CAMK2D: variants seen among roughly 807,000 people sequenced by gnomAD.
The protein encoded by CAMK2D is calcium/calmodulin dependent protein kinase II delta, also known as calcium/calmodulin-dependent protein kinase type II subunit delta.
In CAMK2D, 37 loss-of-function variants were observed where a neutral mutation model predicts 84.0. The ratio of observed to expected loss-of-function variants is 0.44; its 90% CI spans 0.34 to 0.58. CAMK2D has a LOEUF of 0.58. Among genes scored for constraint, CAMK2D ranks in the 20% least tolerant of loss-of-function variants. The pLI is 0.02. For missense variants in CAMK2D, 448 were observed against 652.5 expected (o/e 0.69, Z 3.41); for synonymous variants, 202 against 212.5 (o/e 0.95, Z 0.43).
chr4:113,648,843 G>A (rs865877523), intron 3 of CAMK2D, among the ~76,000 whole-genome samples: 4 of 152,030 alleles, frequency 2.6e-5, no homozygotes, highest in African/African-American at 9.7e-5. Context: ...AAAGATCAGG[G>A]GTTTGGGTAG....
intron 13 of CAMK2D, 146 bp downstream of exon 13, chr4:113,509,492 T>C (rs1590395003): frequency 6.5e-6 from 4 of 613,048 alleles, no homozygotes; most frequent in African/African-American, 3.7e-5. Flanking sequence ...TCTTTGTATA[T>C]TAAATCATTT....
At chr4:113,693,609 T>A (rs1407084129) in intron 2 of CAMK2D, among the ~76,000 whole-genome samples, 2 of 152,128 alleles carry the variant, frequency 1.3e-5, no homozygotes, top group African/African-American at 4.8e-5. Context: ...CCACCTGGGA[T>A]GGAAATGTTT....
intron 8 of CAMK2D, among the ~76,000 whole-genome samples, chr4:113,525,811 TA>T (rs1313882356): frequency 2.0e-5 from 3 of 152,204 alleles, no homozygotes; most frequent in African/African-American, 7.2e-5. Flanking sequence ...TGTAATTTTT[TA>T]CCACTCAACC....
chr4:113,711,937 A>C (rs1561983340), intron 2 of CAMK2D, among the ~76,000 whole-genome samples: 2 of 152,198 alleles, frequency 1.3e-5, no homozygotes, highest in Non-Finnish European at 2.9e-5. Flanking sequence ...AAAAGAACAA[A>C]CACTGATCTC....
intron 4 of CAMK2D, among the ~76,000 whole-genome samples, chr4:113,578,949 T>TA (rs2098796352): frequency 6.7e-6 from 1 of 148,366 alleles, no homozygotes; most frequent in South Asian, 2.2e-4. Flanking sequence ...GACAAACAAT[T>TA]AAAAAATATG....
intron 3 of CAMK2D, among the ~76,000 whole-genome samples, chr4:113,611,506 T>C (rs768646279): frequency 7.9e-5 from 12 of 152,200 alleles, no homozygotes; most frequent in Admixed American, 3.3e-4. Flanking sequence ...TCTTCCACTG[T>C]CTGAAGGTAA....
chr4:113,566,936 A>T (rs758213410), intron 4 of CAMK2D, among the ~76,000 whole-genome samples: 5 of 152,006 alleles, frequency 3.3e-5, no homozygotes, highest in Admixed American at 2.0e-4. Flanking sequence ...TCCTCCTTCA[A>T]CTACTACAAT....
At chr4:113,605,509 C>T (rs942405710) in intron 4 of CAMK2D, among the ~76,000 whole-genome samples, 1 of 152,200 alleles carries the variant, frequency 6.6e-6, no homozygotes, top group Non-Finnish European at 1.5e-5. Context: ...AATGTTATTA[C>T]TTAAGTAATG....
At chr4:113,539,717 C>T (rs1371430887) in intron 6 of CAMK2D, among the ~76,000 whole-genome samples, 1 of 152,126 alleles carries the variant, frequency 6.6e-6, no homozygotes, top group African/African-American at 2.4e-5. Context: ...GAAGACTGTT[C>T]AGCTGCAGTT....
intron 7 of CAMK2D, among the ~76,000 whole-genome samples, chr4:113,535,830 C>A (rs2098485862): frequency 6.6e-6 from 1 of 152,172 alleles, no homozygotes; most frequent in Non-Finnish European, 1.5e-5. Context: ...GTTCCCACAG[C>A]ACCTCATACA....
At chr4:113,545,052 T>C (rs1279009618) in intron 6 of CAMK2D, among the ~76,000 whole-genome samples, 1 of 152,240 alleles carries the variant, frequency 6.6e-6, no homozygotes, top group African/African-American at 2.4e-5. Flanking sequence ...GATATACTTA[T>C]CTTCTTTATG....
At chr4:113,574,204 T>A (rs954421809) in intron 4 of CAMK2D, among the ~76,000 whole-genome samples, 10 of 152,186 alleles carry the variant, frequency 6.6e-5, no homozygotes, top group African/African-American at 1.9e-4. Flanking sequence ...CTTCATTCCC[T>A]ATCCCACAGA....
chr4:113,696,606 A>G (rs923648146), intron 2 of CAMK2D, among the ~76,000 whole-genome samples: 1 of 152,122 alleles, frequency 6.6e-6, no homozygotes, highest in Non-Finnish European at 1.5e-5. Flanking sequence ...GGCCAGGAGC[A>G]GCCCTTGCCT....
In CAMK2D at chr4:113,460,252, A is replaced by C; in HGVS notation, c.1212-11T>G. 1 of 1,440,088 alleles carries C rather than the reference A, an allele frequency of 6.9e-7. No individual in the cohort carries two copies. The highest frequency in any genetic ancestry group is 9.7e-7 in the Non-Finnish European group (1 of 1,026,996). The allele number at this position is 1,440,088 out of a possible 1,614,324, so 89.2% of individuals were successfully genotyped here. A position where few individuals can be genotyped will look rare whatever the true frequency, so the allele number is the denominator to read the frequency against. On this transcript the variant is annotated splice_polypyrimidine_tract_variant and intron_variant, in intron 17 of 20. Coordinates refer to ENST00000511664, the MANE Select transcript of CAMK2D (RefSeq NM_001321571.2). ...GGGTCACAGATTTTTCTGTAAAAGA[A>C]AAATAATGAAAACAACCAATTAATA...
intron 4 of CAMK2D, among the ~76,000 whole-genome samples, chr4:113,607,753 A>G (rs777453857): frequency 1.3e-5 from 2 of 152,188 alleles, no homozygotes; most frequent in Admixed American, 1.3e-4. Flanking sequence ...CAGGTGACTA[A>G]AAAGCGTTAC....
intron 3 of CAMK2D, among the ~76,000 whole-genome samples, chr4:113,622,102 C>A (rs2099048643): frequency 6.6e-6 from 1 of 152,108 alleles, no homozygotes; most frequent in Non-Finnish European, 1.5e-5. Context: ...GACAAATTTC[C>A]TGGTAAACAA....
intron 4 of CAMK2D, among the ~76,000 whole-genome samples, chr4:113,552,445 G>T (rs1016353027): frequency 1.3e-5 from 2 of 152,140 alleles, no homozygotes; most frequent in Admixed American, 6.6e-5. Flanking sequence ...AAAAGGAGAT[G>T]ATACACATCA....
intron 12 of CAMK2D, 79 bp downstream of exon 12, chr4:113,513,249 A>G: frequency 6.3e-7 from 1 of 1,577,990 alleles, no homozygotes; most frequent in East Asian, 2.2e-5. Flanking sequence ...TTAGATTTTT[A>G]AAATTCCAGA....
intron 4 of CAMK2D, among the ~76,000 whole-genome samples, chr4:113,578,866 A>T (rs1374005054): frequency 6.6e-6 from 1 of 152,220 alleles, no homozygotes; most frequent in Non-Finnish European, 1.5e-5. Flanking sequence ...GGCAGAAAAT[A>T]GCATTGAGCT....
Sources: allele counts gnomAD v4.1 joint callset (sites outside exome capture counted in the v4.1 genomes callset), GRCh38; gene constraint gnomAD v4.1.1; transcripts MANE v1.5; gene names NCBI Gene and HGNC (gene_info 2026-07-23, HGNC 2026-07-21).